The following TRPC7 variants were observed in gnomAD, a reference collection of about 807,000 sequenced individuals.
The protein encoded by TRPC7 is short transient receptor potential channel 7.
A neutral mutation model predicts 90.1 loss-of-function variants in TRPC7; 42 were observed. The observed-to-expected ratio is 0.47, with a 90% CI of 0.36 to 0.60. TRPC7 has a LOEUF of 0.60. Ranked by LOEUF, TRPC7 falls within the 20% of genes least tolerant of loss-of-function variation. The probability of loss-of-function intolerance (pLI) is 0.00; values close to 1 mark genes in which losing one functional copy is unlikely to be tolerated. For missense variants in TRPC7, 955 were observed against 1,112.3 expected (o/e 0.86, Z 2.01); for synonymous variants, 451 against 436.3 (o/e 1.03, Z -0.42).
At chr5:136,308,828 T>A (rs1027111367) in intron 3 of TRPC7, among the ~76,000 whole-genome samples, 1 of 152,240 alleles carries the variant, frequency 6.6e-6, no homozygotes, top group Admixed American at 6.5e-5. Context: ...ACTTATTTTA[T>A]GTCCCATATC....
chr5:136,263,401 G>A (rs1025805812), intron 5 of TRPC7, among the ~76,000 whole-genome samples: 19 of 152,152 alleles, frequency 1.2e-4, no homozygotes, highest in African/African-American at 4.1e-4. Context: ...TGTAACATGC[G>A]GAGTGCCCAT....
intron 2 of TRPC7, among the ~76,000 whole-genome samples, chr5:136,338,007 TGTGA>T (rs1409544112): frequency 6.6e-6 from 1 of 152,188 alleles, no homozygotes; most frequent in Admixed American, 6.5e-5. Context: ...ACAACTGCAT[TGTGA>T]GTAAGTGCGT....
intron 2 of TRPC7, among the ~76,000 whole-genome samples, chr5:136,328,989 T>C (rs1175945516): frequency 6.6e-6 from 1 of 152,202 alleles, no homozygotes. Context: ...GAACACTGAG[T>C]CTGCAGGTCA....
At chr5:136,232,195 G>A (rs1755840244) in intron 7 of TRPC7, among the ~76,000 whole-genome samples, 1 of 152,082 alleles carries the variant, frequency 6.6e-6, no homozygotes, top group African/African-American at 2.4e-5. Context: ...TGCATTATGA[G>A]CCCCAGAAAG....
At chr5:136,323,763 G>A (rs1028785793) in intron 2 of TRPC7, among the ~76,000 whole-genome samples, 2 of 152,052 alleles carry the variant, frequency 1.3e-5, no homozygotes, top group East Asian at 3.8e-4. Context: ...GGTACTTTGA[G>A]TCCTCCAGCT....
chr5:136,362,208 A>G (rs1478592025), intron 1 of TRPC7, among the ~76,000 whole-genome samples: 1 of 152,178 alleles, frequency 6.6e-6, no homozygotes, highest in Non-Finnish European at 1.5e-5. Context: ...ATCTTCTGAT[A>G]AGGTTAGCTA....
chr5:136,237,426 T>C (rs1191619263), intron 7 of TRPC7, among the ~76,000 whole-genome samples: 2 of 152,218 alleles, frequency 1.3e-5, no homozygotes, highest in African/African-American at 4.8e-5. Context: ...CATCAGAACC[T>C]GGTACACAGG....
chr5:136,320,091 A>G (rs550819693), intron 2 of TRPC7, among the ~76,000 whole-genome samples: 1 of 152,168 alleles, frequency 6.6e-6, no homozygotes, highest in African/African-American at 2.4e-5. Context: ...TTTGAACCTC[A>G]TAAAATTAAC....
At chr5:136,306,112 G>A (rs112607996) in intron 3 of TRPC7, among the ~76,000 whole-genome samples, 24,443 of 151,900 alleles carry the variant, frequency 0.16, 2,882 homozygotes, top group East Asian at 0.34. Flanking sequence ...TTACACTGCC[G>A]GTTTACACTG....
At chr5:136,233,099 CATGT>C (rs1755870186) in intron 7 of TRPC7, among the ~76,000 whole-genome samples, 1 of 152,078 alleles carries the variant, frequency 6.6e-6, no homozygotes, top group Non-Finnish European at 1.5e-5. Flanking sequence ...TGTGCGTGTG[CATGT>C]GTGTGTGTCT....
chr5:136,349,669 A>T (rs1331432991), intron 2 of TRPC7, among the ~76,000 whole-genome samples: 1 of 152,206 alleles, frequency 6.6e-6, no homozygotes, highest in African/African-American at 2.4e-5. Flanking sequence ...GTTAAATGGG[A>T]TGAAGTGTAG....
chr5:136,362,814 A>G (rs1181681359), intron 1 of TRPC7, among the ~76,000 whole-genome samples: 1 of 152,040 alleles, frequency 6.6e-6, no homozygotes, highest in Non-Finnish European at 1.5e-5. Flanking sequence ...TTTCCATTAG[A>G]GTTCAAGATC....
intron 6 of TRPC7, 86 bp downstream of exon 6, chr5:136,251,563 G>A (rs1481762034): frequency 2.7e-6 from 3 of 1,103,478 alleles, no homozygotes; most frequent in Admixed American, 2.2e-5. Context: ...TACAAATAGC[G>A]TTACAAGTTC....
intron 3 of TRPC7, among the ~76,000 whole-genome samples, chr5:136,305,542 T>C (rs926332410): frequency 6.6e-6 from 1 of 152,124 alleles, no homozygotes; most frequent in African/African-American, 2.4e-5. Flanking sequence ...TTAGCTTTAC[T>C]CAACATGCCC....
rs144496918 is a variant in TRPC7 at position 136,277,700 on chromosome 5, A to G, written c.964-2863T>C. Among the ~76,000 whole-genome samples, 343 of 152,348 alleles carry G rather than the reference A, an allele frequency of 2.3e-3. 2 individuals carry two copies. In the South Asian group the frequency reaches 0.03, roughly 13 times the overall value. On this transcript the variant is annotated intron_variant, in intron 3 of 11. Coordinates refer to ENST00000513104, the MANE Select transcript of TRPC7 (RefSeq NM_020389.3). ...GGGGTCAGAGAGGAACTGATGGAAG[A>G]AAAGCTTATAGCTAGAATAGAATAG... is the stretch of plus-strand genomic sequence containing the variant.
chr5:136,225,979 C>A, intron 9 of TRPC7, 55 bp downstream of exon 9: 1 of 1,469,516 alleles, frequency 6.8e-7, no homozygotes, highest in Non-Finnish European at 9.3e-7. Flanking sequence ...ACACTCTAGA[C>A]TCGCCTGCCC....
chr5:136,269,086 C>T (rs1580882401), intron 4 of TRPC7, among the ~76,000 whole-genome samples: 1 of 152,144 alleles, frequency 6.6e-6, no homozygotes, highest in Non-Finnish European at 1.5e-5. Context: ...AAAGCTGGGT[C>T]AGGTATCAGC....
chr5:136,357,585 T>C (rs1760433305), intron 1 of TRPC7, among the ~76,000 whole-genome samples, 200 bp from the exon 2 acceptor site: 1 of 152,206 alleles, frequency 6.6e-6, no homozygotes, highest in South Asian at 2.1e-4. Context: ...TGGTAGAATA[T>C]GACTCAGTTG....
chr5:136,243,359 G>A (rs1342441172), intron 7 of TRPC7, among the ~76,000 whole-genome samples: 2 of 151,896 alleles, frequency 1.3e-5, no homozygotes, highest in South Asian at 2.1e-4. Context: ...GGGCTGGGGG[G>A]ATACCTGCAG....
Sources: gnomAD v4.1 joint callset for allele counts (sites outside exome capture counted in the v4.1 genomes callset) on GRCh38, gnomAD v4.1.1 for gene constraint, MANE v1.5 for transcripts, NCBI Gene and HGNC (gene_info 2026-07-23, HGNC 2026-07-21) for gene names.